The following ADCY5 variants were observed in gnomAD, a reference collection of about 807,000 sequenced individuals.
The protein encoded by ADCY5 is adenylate cyclase type 5.
Under a neutral mutation model 119.7 loss-of-function variants are expected in ADCY5, and 30 were observed. The ratio of observed to expected loss-of-function variants is 0.25; its 90% CI spans 0.19 to 0.34. The LOEUF (loss-of-function observed/expected upper bound fraction) is 0.34. ADCY5 is among the 10% of genes least tolerant of loss of function. The pLI is 1.00. For synonymous variants in ADCY5, 753 were observed against 762.2 expected (o/e 0.99, Z 0.20); for missense variants, 1,324 against 1,775.2 (o/e 0.75, Z 4.57).
chr3:123,427,644 C>T (rs965164046), intron 1 of ADCY5, among the ~76,000 whole-genome samples: 3 of 152,204 alleles, frequency 2.0e-5, no homozygotes, highest in Admixed American at 2.0e-4. Context: ...CAGAGTCAGG[C>T]TGCCCAGTTC....
chr3:123,366,233 C>T (rs1306928176), intron 1 of ADCY5, among the ~76,000 whole-genome samples: 1 of 152,208 alleles, frequency 6.6e-6, no homozygotes, highest in East Asian at 1.9e-4. Context: ...GACAGCACTG[C>T]TGTTGTACAA....
At chr3:123,310,014 G>A (rs931745196) in intron 12 of ADCY5, among the ~76,000 whole-genome samples, 1 of 151,696 alleles carries the variant, frequency 6.6e-6, no homozygotes, top group Non-Finnish European at 1.5e-5. Flanking sequence ...ACAGATCCCA[G>A]GTGTTCATAC....
intron 12 of ADCY5, among the ~76,000 whole-genome samples, chr3:123,308,611 C>T (rs182979023): frequency 2.5e-3 from 380 of 152,088 alleles, no homozygotes; most frequent in African/African-American, 5.2e-3. Flanking sequence ...AGGTGGATCA[C>T]GAGGTCAGGA....
At chr3:123,396,822 G>GAGAGAGAGAGAGAGAGAGAGAC (rs1553744382) in intron 1 of ADCY5, among the ~76,000 whole-genome samples, 6 of 140,778 alleles carry the variant, frequency 4.3e-5, no homozygotes, top group African/African-American at 1.7e-4. Context: ...AGGCAGGCGA[G>GAGAGAGAGAGAGAGAGAGAGAC]AGAGAGAGAG....
In ADCY5 at chr3:123,347,842, T is replaced by C. The variant is rs753483747; in HGVS notation, c.1346A>G (p.Asn449Ser). Residue 449 changes from asparagine (N) to serine (S), a missense_variant, in exon 3 of 21, where the codon AAC (asparagine) becomes AGC (serine). Physicochemically the swap from Asn to Ser is conservative, Grantham distance 46. Coordinates refer to ENST00000462833, the MANE Select transcript of ADCY5 (RefSeq NM_183357.3). Reference sequence around the variant, plus strand: ...GAACATCATATCCTCCTGCTTGGCGTTGATGTCTGCTTTCATCTCCATGGC... The same window carrying C: ...GAACATCATATCCTCCTGCTTGGCGCTGATGTCTGCTTTCATCTCCATGGC... ...HVAMEMKADI[N>S]AKQEDMMFHK... 2.8e-5 allele frequency: 45 copies of C among 1,613,994 alleles called. No homozygotes were observed. Among genetic ancestry groups the C allele is most frequent in the Non-Finnish European group, 3.7e-5 (44 of 1,180,010 alleles).
At chr3:123,414,564 C>CTT (rs200866043) in intron 1 of ADCY5, among the ~76,000 whole-genome samples, 3 of 149,058 alleles carry the variant, frequency 2.0e-5, no homozygotes, top group Admixed American at 6.7e-5. Flanking sequence ...TATGGCTTAC[C>CTT]TTTTTTTTTT....
intron 13 of ADCY5, among the ~76,000 whole-genome samples, chr3:123,303,595 T>G (rs1330368466): frequency 1.3e-5 from 2 of 152,066 alleles, no homozygotes; most frequent in South Asian, 2.1e-4. Flanking sequence ...GCGGATCACT[T>G]GAGCCCAGGA....
In ADCY5 at chr3:123,303,186, A is replaced by G. The variant is rs539257415; in HGVS notation, c.2593T>C (p.Leu865=). The change falls in exon 14 of 21, where the codon TTG becomes CTG. Residue 865 remains leucine, a synonymous_variant. Coordinates refer to ENST00000462833, the MANE Select transcript of ADCY5 (RefSeq NM_183357.3). ...TCNSRDLLGC[L]AQEHNISASQ... is the part of the protein sequence containing the mutation. ...GCGCTGATGTTGTGCTCCTGTGCCAAGCAGCCCAGCAGGTCCCTGGAGTTG... is the reference window on the plus strand; with the variant it reads ...GCGCTGATGTTGTGCTCCTGTGCCAGGCAGCCCAGCAGGTCCCTGGAGTTG... 1 of 1,613,692 alleles carries G rather than the reference A, an allele frequency of 6.2e-7. No individual in the cohort carries two copies. Among genetic ancestry groups the G allele is most frequent in the African/African-American group, 1.3e-5 (1 of 74,940 alleles).
intron 1 of ADCY5, among the ~76,000 whole-genome samples, chr3:123,406,606 C>T (rs1324091000): frequency 3.3e-5 from 5 of 152,068 alleles, no homozygotes; most frequent in African/African-American, 1.2e-4. Context: ...TTTTTTCTTT[C>T]CTCCTGAAAT....
intron 1 of ADCY5, among the ~76,000 whole-genome samples, chr3:123,364,818 C>T (rs1053481610): frequency 1.3e-5 from 2 of 152,056 alleles, no homozygotes; most frequent in Non-Finnish European, 2.9e-5. Flanking sequence ...CCAGTATTAA[C>T]GTTTCCATTT....
chr3:123,315,933 G>A (rs1199065134), intron 11 of ADCY5, among the ~76,000 whole-genome samples: 1 of 152,050 alleles, frequency 6.6e-6, no homozygotes, highest in East Asian at 1.9e-4. Flanking sequence ...ACAGAAAGAT[G>A]GGGTTTTATG....
At chr3:123,350,728 T>C (rs2108492576) in intron 2 of ADCY5, among the ~76,000 whole-genome samples, 1 of 152,340 alleles carries the variant, frequency 6.6e-6, no homozygotes, top group East Asian at 1.9e-4. Context: ...GAATATGGAA[T>C]GGCAAAAATA....
rs1444517241 is a variant in ADCY5, at chr3:123,288,546, T to A, written c.3532+1204A>T. Reference sequence around the variant, plus strand: ...GACCGTACACCCTCGGTAAGACCTATTCTAAGGACAAACAAACTGCAGAAA... The same window carrying A: ...GACCGTACACCCTCGGTAAGACCTAATCTAAGGACAAACAAACTGCAGAAA... On this transcript the variant is annotated intron_variant, in intron 19 of 20. Coordinates refer to ENST00000462833, the MANE Select transcript of ADCY5 (RefSeq NM_183357.3). 7.2e-5 allele frequency among the ~76,000 whole-genome samples: 11 copies of A among 152,294 alleles called. No homozygotes were observed. In the East Asian group the frequency reaches 2.1e-3, roughly 29 times the overall value.
At chr3:123,291,771 C>T (rs1179849586) in intron 17 of ADCY5, among the ~76,000 whole-genome samples, 1 of 152,220 alleles carries the variant, frequency 6.6e-6, no homozygotes, top group African/African-American at 2.4e-5. Context: ...CCTCCAGCTC[C>T]CCGGTGCTCC....
intron 1 of ADCY5, among the ~76,000 whole-genome samples, chr3:123,433,017 A>G (rs1040362661): frequency 6.6e-6 from 1 of 152,208 alleles, no homozygotes; most frequent in Non-Finnish European, 1.5e-5. Flanking sequence ...GGATCTAAAA[A>G]TCAATAACAC....
intron 1 of ADCY5, among the ~76,000 whole-genome samples, chr3:123,377,008 G>A (rs1418683475): frequency 2.0e-5 from 3 of 152,126 alleles, no homozygotes; most frequent in Non-Finnish European, 2.9e-5. Context: ...CAAGAAGAGG[G>A]AAGGCTCGGC....
Position 123,300,572 on chromosome 3 carries a change from A to G in ADCY5, c.2725-277T>C, listed in dbSNP as rs56048447. 0.24 allele frequency among the ~76,000 whole-genome samples: 35,916 copies of G among 152,186 alleles called. 4,329 individuals are homozygous for G. The highest frequency in any genetic ancestry group is 0.32 in the Middle Eastern group (95 of 294). On this transcript the variant is annotated intron_variant, in intron 14 of 20. Coordinates refer to ENST00000462833, the MANE Select transcript of ADCY5 (RefSeq NM_183357.3). ...GCCCTGGGTTTCAGGCCTGATCCAC[A>G]CTGGGCTTTGTGTGCCTCGGGCTGC...
At position 123,286,599 on chromosome 3, in the gene ADCY5, C is replaced by T; in HGVS notation, c.3657+86G>A. ...TGGCTGCAGACATTCTGACTGGGAA[C>T]TGTAGGTGGCCTGCCCTGAAGACCT... On this transcript the variant is annotated intron_variant, in intron 20 of 20. Coordinates refer to ENST00000462833, the MANE Select transcript of ADCY5 (RefSeq NM_183357.3). The surrounding 1 kb of genome is among the most constrained non-coding windows in gnomAD (Gnocchi z 4.2). 6.7e-7 allele frequency: 1 copy of T among 1,484,560 alleles called. No individual in the cohort carries two copies. The highest frequency in any genetic ancestry group is 9.0e-7 in the Non-Finnish European group (1 of 1,116,910). 92.0% of individuals were successfully genotyped at this position (1,484,560 alleles called of 1,614,324 possible). A position where few individuals can be genotyped will look rare whatever the true frequency, so the allele number is the denominator to read the frequency against.
intron 4 of ADCY5, 83 bp downstream of exon 4, chr3:123,332,481 G>C: frequency 9.8e-7 from 1 of 1,016,944 alleles, no homozygotes; most frequent in Non-Finnish European, 1.5e-6. Flanking sequence ...CCCATCCCTG[G>C]GGTTCAGCAG....
Sources: gnomAD v4.1 joint callset for allele counts (sites outside exome capture counted in the v4.1 genomes callset) on GRCh38, gnomAD v4.1.1 for gene constraint, Gnocchi (gnomAD v3.1) non-coding constraint, MANE v1.5 for transcripts, NCBI Gene and HGNC (gene_info 2026-07-23, HGNC 2026-07-21) for gene names.